Variants in CLDN14 observed in about 807,000 individuals in gnomAD.
CLDN14 encodes claudin 14, also known as claudin-14.
Under a neutral mutation model 2.1 loss-of-function variants are expected in CLDN14, and 2 were observed. The ratio of observed to expected loss-of-function variants is 0.96; its 90% confidence interval spans 0.39 to 3.01. CLDN14 has a LOEUF of 3.01. Among genes scored for constraint, CLDN14 ranks in the 30% most tolerant of loss-of-function variants. The probability of loss-of-function intolerance (pLI) is 0.09; values close to 1 mark genes in which losing one functional copy is unlikely to be tolerated. For missense variants in CLDN14, 298 were observed against 328.0 expected, an observed-to-expected ratio of 0.91 and a Z score of 0.71; for synonymous variants, 136 against 154.4, an observed-to-expected ratio of 0.88 and a Z score of 0.88.
In CLDN14 at chr21:36,461,543, C is replaced by A; in HGVS notation, c.153G>T (p.Trp51Cys). Residue 51 changes from tryptophan to cysteine, a missense_variant, in exon 2 of 2, where the codon TGG becomes TGT. Trp to Cys is a radical substitution (Grantham distance 215, BLOSUM62 -2). Transcript: ENST00000399135. ...LTAVSYLKGL[W>C]MECVWHSTGI... Reference sequence around the variant, plus strand: ...CTGTGCTGTGCCACACACACTCCATCCAGAGCCCTTTCAGGTAGGACACGG... The same window carrying A: ...CTGTGCTGTGCCACACACACTCCATACAGAGCCCTTTCAGGTAGGACACGG... 6.2e-7 allele frequency: 1 copy of A among 1,613,394 alleles called. No homozygotes were observed. Among genetic ancestry groups the A allele is most frequent in the Non-Finnish European group, 8.5e-7 (1 of 1,179,982 alleles).
chr21:36,492,468 A>AAAT (rs71198818), intron 2 of CLDN14, among the ~76,000 whole-genome samples: 2 of 138,854 alleles, frequency 1.4e-5, no homozygotes, highest in East Asian at 2.2e-4. Context: ...AAAAAAAAAA[A>AAAT]TGCAAAAATT....
chr21:36,503,845 C>G (rs949246946), intron 2 of CLDN14, among the ~76,000 whole-genome samples: 3 of 151,934 alleles, frequency 2.0e-5, no homozygotes, highest in African/African-American at 7.3e-5. Context: ...TACAGTAAGT[C>G]ATTAGCTTCC....
At chr21:36,513,203 A>G (rs2087199273) in intron 1 of CLDN14, among the ~76,000 whole-genome samples, 1 of 152,212 alleles carries the variant, frequency 6.6e-6, no homozygotes, top group African/African-American at 2.4e-5. Context: ...ATGAGATTGG[A>G]GGAACTGTCC....
intron 1 of CLDN14, among the ~76,000 whole-genome samples, chr21:36,547,190 A>T (rs2087531540): frequency 6.6e-6 from 1 of 152,220 alleles, no homozygotes; most frequent in African/African-American, 2.4e-5. Flanking sequence ...TTGGTGGTTT[A>T]TAGGGTATTC....
At chr21:36,502,224 A>G (rs1350207681) in intron 2 of CLDN14, among the ~76,000 whole-genome samples, 1 of 152,246 alleles carries the variant, frequency 6.6e-6, no homozygotes, top group African/African-American at 2.4e-5. Context: ...AACAGATTTG[A>G]TGAGTTTAAT....
At chr21:36,493,724 C>T (rs547581849) in intron 2 of CLDN14, among the ~76,000 whole-genome samples, 148 of 152,096 alleles carry the variant, frequency 9.7e-4, no homozygotes, top group Non-Finnish European at 1.7e-3. Context: ...TTTTCTGCCC[C>T]CTGCTTGGAA....
At chr21:36,489,128 A>AT (rs759681267) in intron 2 of CLDN14, among the ~76,000 whole-genome samples, 71 of 101,658 alleles carry the variant, frequency 7.0e-4, no homozygotes, top group East Asian at 3.0e-3. Flanking sequence ...AAAAAAAAAA[A>AT]AAAATATATA....
Position 36,549,525 on chromosome 21 carries a change from T to C in CLDN14, c.-220+26886A>G, listed in dbSNP as rs113952802. ...GAGGCCCTGGAAGGCATTATTCCTT[T>C]GCTTGCTTTCTGTGGAGAACAAATC... is the stretch of plus-strand genomic sequence containing the variant. On this transcript the variant is annotated intron_variant, in intron 1 of 2. Transcript: ENST00000342108. Among the ~76,000 whole-genome samples, 885 of 152,350 alleles carry C rather than the reference T, an allele frequency of 5.8e-3. 8 individuals are homozygous for C. Among genetic ancestry groups the C allele is most frequent in the African/African-American group, 0.021 (862 of 41,576 alleles).
chr21:36,497,983 G>A (rs995479929), intron 2 of CLDN14, among the ~76,000 whole-genome samples: 2 of 151,584 alleles, frequency 1.3e-5, no homozygotes, highest in Non-Finnish European at 2.9e-5. Flanking sequence ...GGGTGACACT[G>A]TTGTCAGCGA....
chr21:36,520,724 A>G (rs1370074716), intron 1 of CLDN14, among the ~76,000 whole-genome samples: 1 of 152,220 alleles, frequency 6.6e-6, no homozygotes, highest in South Asian at 2.1e-4. Context: ...TATGACTTGA[A>G]TAGATCCTCT....
chr21:36,489,058 C>T (rs1426282562), intron 2 of CLDN14, among the ~76,000 whole-genome samples: 1 of 141,082 alleles, frequency 7.1e-6, no homozygotes, highest in East Asian at 2.1e-4. Flanking sequence ...TGCAATAAGT[C>T]GAGATCAAGC....
chr21:36,562,677 G>A (rs560048619), intron 1 of CLDN14, among the ~76,000 whole-genome samples: 32 of 141,812 alleles, frequency 2.3e-4, no homozygotes, highest in Non-Finnish European at 4.3e-4. Flanking sequence ...ATATTCAAAG[G>A]ATCCCCTATC....
chr21:36,523,319 G>A (rs1265730664), intron 1 of CLDN14, among the ~76,000 whole-genome samples: 1 of 152,210 alleles, frequency 6.6e-6, no homozygotes, highest in Non-Finnish European at 1.5e-5. Flanking sequence ...GTATATGTGT[G>A]ATGAAAGAAA....
At chr21:36,484,203 A>C (rs1286208307), upstream of CLDN14, among the ~76,000 whole-genome samples, 3 of 152,366 alleles carry the variant, frequency 2.0e-5, no homozygotes, top group East Asian at 5.8e-4. Context: ...TGAGGTAGGA[A>C]GAGCATGAGG....
At chr21:36,495,065 C>A (rs146283986) in intron 2 of CLDN14, among the ~76,000 whole-genome samples, 1 of 152,144 alleles carries the variant, frequency 6.6e-6, no homozygotes, top group Non-Finnish European at 1.5e-5. Flanking sequence ...CGGTGCCTCA[C>A]GCCTGTAATC....
intron 2 of CLDN14, among the ~76,000 whole-genome samples, chr21:36,491,472 C>T (rs891314594): frequency 2.0e-5 from 3 of 152,182 alleles, no homozygotes; most frequent in East Asian, 1.9e-4. Flanking sequence ...AAGCTTGACA[C>T]GATCATTTTA....
intron 2 of CLDN14, among the ~76,000 whole-genome samples, chr21:36,500,108 G>A (rs1003756185): frequency 1.3e-5 from 2 of 152,198 alleles, no homozygotes; most frequent in Non-Finnish European, 2.9e-5. Flanking sequence ...TAGCTGCAAA[G>A]TTCCCCCTTT....
At chr21:36,484,770 A>G (rs912977823), upstream of CLDN14, among the ~76,000 whole-genome samples, 1 of 151,950 alleles carries the variant, frequency 6.6e-6, no homozygotes, top group African/African-American at 2.4e-5. Flanking sequence ...CTGGAGTGCA[A>G]TGGCGTGATC....
At chr21:36,489,546 C>T (rs1047479369) in intron 2 of CLDN14, among the ~76,000 whole-genome samples, 6 of 152,190 alleles carry the variant, frequency 3.9e-5, no homozygotes, top group Admixed American at 1.3e-4. Context: ...TCAGCTCTCA[C>T]GGGACGAGGC....
Sources: allele counts gnomAD v4.1 joint callset (sites outside exome capture counted in the v4.1 genomes callset), GRCh38; gene constraint gnomAD v4.1.1; transcripts MANE v1.5; gene names NCBI Gene and HGNC (gene_info 2026-07-23, HGNC 2026-07-21).